Variants in MALRD1 observed in about 807,000 individuals in gnomAD.
MALRD1 encodes the protein MAM and LDL-receptor class A domain-containing protein 1.
Under a neutral mutation model 242.1 loss-of-function variants are expected in MALRD1, and 247 were observed. The ratio of observed to expected loss-of-function variants is 1.02; its 90% CI spans 0.92 to 1.13. MALRD1 has a LOEUF of 1.13. Among genes scored for constraint, MALRD1 ranks in the 50% most tolerant of loss-of-function variants. The probability of loss-of-function intolerance (pLI) is 0.00; values close to 1 mark genes in which losing one functional copy is unlikely to be tolerated. For synonymous variants in MALRD1, 995 were observed against 866.6 expected (o/e 1.15, Z -2.60); for missense variants, 2,989 against 2,533.1 (o/e 1.18, Z -3.86).
chr10:19,250,176 C>T (rs892455619), intron 18 of MALRD1, among the ~76,000 whole-genome samples: 3 of 151,990 alleles, frequency 2.0e-5, no homozygotes, highest in South Asian at 2.1e-4. Flanking sequence ...GCCTATTGAT[C>T]GGACAGTAGT....
At chr10:19,622,153 G>C (rs1839431504) in intron 36 of MALRD1, among the ~76,000 whole-genome samples, 1 of 149,684 alleles carries the variant, frequency 6.7e-6, no homozygotes, top group African/African-American at 2.5e-5. Context: ...TATTGTACTG[G>C]AGGTAGTCAC....
At chr10:19,273,863 C>T (rs780860765) in intron 19 of MALRD1, among the ~76,000 whole-genome samples, 1 of 151,826 alleles carries the variant, frequency 6.6e-6, no homozygotes, top group Non-Finnish European at 1.5e-5. Context: ...ATGCCAGTGT[C>T]CAACAAGCAT....
At position 19,314,841 on chromosome 10, in the gene MALRD1, A is replaced by G. The variant is rs1260144121; in HGVS notation, c.3420-9108A>G. Among the ~76,000 whole-genome samples the G allele has an allele frequency of 3.3e-5, 5 of 151,338 alleles. No individual in the cohort carries two copies. In the Admixed American group the frequency reaches 3.3e-4, roughly 10 times the overall value. Reference sequence around the variant, plus strand: ...AAAAAATTTCTGACCCCAGTTGTAGACCAGCGCAACGTGAAGTGCCGGTCT... The same window carrying G: ...AAAAAATTTCTGACCCCAGTTGTAGGCCAGCGCAACGTGAAGTGCCGGTCT... On this transcript the variant is annotated intron_variant, in intron 21 of 39. Coordinates refer to ENST00000454679, the MANE Select transcript of MALRD1 (RefSeq NM_001142308.3).
chr10:19,584,704 G>C (rs1837301120), intron 33 of MALRD1, among the ~76,000 whole-genome samples: 1 of 152,080 alleles, frequency 6.6e-6, no homozygotes, highest in East Asian at 1.9e-4. Context: ...ATATTCTGTT[G>C]ATTTGGGGTG....
intron 10 of MALRD1, among the ~76,000 whole-genome samples, chr10:19,140,287 G>A (rs1036091780): frequency 6.6e-6 from 1 of 152,098 alleles, no homozygotes; most frequent in Admixed American, 6.5e-5. Context: ...ATATGCTGTA[G>A]TGGTTAAATA....
chr10:19,186,962 C>A (rs1311239749), intron 14 of MALRD1, among the ~76,000 whole-genome samples: 1 of 152,156 alleles, frequency 6.6e-6, no homozygotes, highest in Non-Finnish European at 1.5e-5. Context: ...CGTCTCCCTG[C>A]CTTGCAGAAA....
At chr10:19,489,081 C>T (rs1188774218) in intron 29 of MALRD1, 2 of 460,680 alleles carry the variant, frequency 4.3e-6, no homozygotes, top group Admixed American at 4.7e-5. Flanking sequence ...CGCGCACGCG[C>T]CTTTCCGGAG....
rs1021480331 is a variant in MALRD1, at chr10:19,554,520, C to T, written c.5479-12982C>T. On this transcript the variant is annotated intron_variant, in intron 32 of 39. Coordinates refer to ENST00000454679, the MANE Select transcript of MALRD1 (RefSeq NM_001142308.3). ...AGTATCAAGCCCAGCATGCATTAGC[C>T]ATTTTTTCTAATGCTCTCCCTCCCC... Among the ~76,000 whole-genome samples, 8 of 152,004 alleles carry T rather than the reference C, an allele frequency of 5.3e-5. No homozygotes were observed. The South Asian group carries it at 8.3e-4, about 16-fold the overall frequency.
At chr10:19,512,546 A>G (rs1296485922) in intron 31 of MALRD1, among the ~76,000 whole-genome samples, 1 of 152,210 alleles carries the variant, frequency 6.6e-6, no homozygotes. Context: ...ACCCCATAAA[A>G]GAAAAACATT....
intron 14 of MALRD1, among the ~76,000 whole-genome samples, chr10:19,194,591 A>G (rs1836148278): frequency 6.6e-6 from 1 of 152,038 alleles, no homozygotes; most frequent in Admixed American, 6.6e-5. Flanking sequence ...TTTCTTTACT[A>G]TTCAATGGTG....
At chr10:19,237,690 A>C (rs1838415143) in intron 18 of MALRD1, among the ~76,000 whole-genome samples, 1 of 121,482 alleles carries the variant, frequency 8.2e-6, no homozygotes, top group South Asian at 2.2e-4. Flanking sequence ...TAATTTATAT[A>C]TAAATACATA....
At chr10:19,341,547 TAC>T (rs1169914956) in intron 24 of MALRD1, among the ~76,000 whole-genome samples, 8 of 143,720 alleles carry the variant, frequency 5.6e-5, no homozygotes, top group Non-Finnish European at 1.2e-4. Context: ...CACATATATA[TAC>T]ACACACACGT....
chr10:19,616,363 G>A (rs1187856156), intron 36 of MALRD1, among the ~76,000 whole-genome samples: 1 of 151,716 alleles, frequency 6.6e-6, no homozygotes, highest in Non-Finnish European at 1.5e-5. Flanking sequence ...TTATGCAGTG[G>A]GTATTTATAA....
At chr10:19,540,284 G>C (rs1834906281) in intron 32 of MALRD1, among the ~76,000 whole-genome samples, 1 of 152,066 alleles carries the variant, frequency 6.6e-6, no homozygotes. Context: ...TGGCAGGGAA[G>C]AAAAAGAGTC....
chr10:19,725,335 G>A (rs543347909), intron 38 of MALRD1, among the ~76,000 whole-genome samples: 8 of 152,248 alleles, frequency 5.3e-5, no homozygotes, highest in Non-Finnish European at 7.4e-5. Flanking sequence ...GGCTTTAGAC[G>A]GGGCTTTTCC....
chr10:19,572,284 G>T (rs1836593042), intron 33 of MALRD1, among the ~76,000 whole-genome samples: 1 of 152,164 alleles, frequency 6.6e-6, no homozygotes, highest in Admixed American at 6.5e-5. Context: ...TTAGCCATGT[G>T]AGTTTCCAAG....
rs1336222985 is a variant in MALRD1, at chr10:19,116,479, A to G, written c.695-7013A>G. On this transcript the variant is annotated intron_variant, in intron 5 of 39. Transcript: ENST00000454679. ...AGTAACTGTTCCTTCCTTGAAATCCACTACAAATAAGGATAACTGACACAT... is the reference window on the plus strand; with the variant it reads ...AGTAACTGTTCCTTCCTTGAAATCCGCTACAAATAAGGATAACTGACACAT... Among the ~76,000 whole-genome samples the G allele has an allele frequency of 1.3e-5, 2 of 152,200 alleles. 1 individual carries two copies. Among genetic ancestry groups the G allele is most frequent in the African/African-American group, 4.8e-5 (2 of 41,450 alleles).
chr10:19,504,315 C>A (rs1838101405), intron 31 of MALRD1, among the ~76,000 whole-genome samples: 1 of 152,158 alleles, frequency 6.6e-6, no homozygotes, highest in African/African-American at 2.4e-5. Flanking sequence ...GTAGTGTGTT[C>A]TTTCCTTATA....
chr10:19,728,226 C>T (rs1047652537), intron 38 of MALRD1, among the ~76,000 whole-genome samples: 5 of 152,198 alleles, frequency 3.3e-5, no homozygotes, highest in African/African-American at 1.2e-4. Context: ...TTTATTACAA[C>T]TCCACATCCT....
Sources: gnomAD v4.1 joint callset for allele counts (sites outside exome capture counted in the v4.1 genomes callset) on GRCh38, gnomAD v4.1.1 for gene constraint, MANE v1.5 for transcripts, NCBI Gene and HGNC (gene_info 2026-07-23, HGNC 2026-07-21) for gene names.